COPS7B: variants seen among roughly 807,000 people sequenced by gnomAD.
COPS7B encodes COP9 signalosome subunit 7B, also known as COP9 signalosome complex subunit 7b.
Under a neutral mutation model 33.4 loss-of-function variants are expected in COPS7B, and 9 were observed. The ratio of observed to expected loss-of-function variants is 0.27; its 90% CI spans 0.16 to 0.47. COPS7B has a LOEUF of 0.47. COPS7B is among the 20% of genes least tolerant of loss of function. The pLI, the probability that COPS7B is intolerant of heterozygous loss-of-function variation, is 0.99. For synonymous variants in COPS7B, 119 were observed against 126.3 expected (o/e 0.94, Z 0.39); for missense variants, 242 against 318.2 (o/e 0.76, Z 1.82).
chr2:231,785,149 G>A (rs1052884117), upstream of COPS7B, among the ~76,000 whole-genome samples: 4 of 152,160 alleles, frequency 2.6e-5, no homozygotes, highest in East Asian at 5.8e-4. Flanking sequence ...TCACCTCACC[G>A]GAGGTTTTCC....
At chr2:231,804,588 A>G (rs2049840192) in intron 6 of COPS7B, among the ~76,000 whole-genome samples, 1 of 152,170 alleles carries the variant, frequency 6.6e-6, no homozygotes, top group Admixed American at 6.5e-5. Context: ...AAATAACTTG[A>G]GGAAATAAGG....
chr2:231,796,364 A>G (rs2049570473), intron 5 of COPS7B, 56 bp downstream of exon 5: 2 of 1,533,716 alleles, frequency 1.3e-6, no homozygotes, highest in Non-Finnish European at 1.8e-6. Context: ...CTCTCCTTGC[A>G]AAAATGTGAT....
At chr2:231,804,462 TG>T (rs984119695) in intron 6 of COPS7B, among the ~76,000 whole-genome samples, 2 of 152,108 alleles carry the variant, frequency 1.3e-5, no homozygotes, top group African/African-American at 4.8e-5. Context: ...TTAGCCAGGA[TG>T]GTCTCGATCT....
chr2:231,792,374 C>T, intron 3 of COPS7B: 1 of 243,270 alleles, frequency 4.1e-6, no homozygotes, highest in Non-Finnish European at 8.2e-6. Flanking sequence ...CGCCTGTAAT[C>T]CCAGCCACTC....
chr2:231,782,221 A>G (rs898144339), upstream of COPS7B, among the ~76,000 whole-genome samples: 36 of 152,192 alleles, frequency 2.4e-4, no homozygotes, highest in African/African-American at 8.7e-4. Flanking sequence ...GCACCACACT[A>G]AGGAGGTGAT....
intron 6 of COPS7B, among the ~76,000 whole-genome samples, chr2:231,799,928 A>G (rs2049694711): frequency 6.6e-6 from 1 of 152,178 alleles, no homozygotes; most frequent in South Asian, 2.1e-4. Flanking sequence ...TATTTGTAAG[A>G]CGAGCGTCTT....
chr2:231,787,405 T>G (rs970656769), intron 1 of COPS7B, among the ~76,000 whole-genome samples: 1 of 152,234 alleles, frequency 6.6e-6, no homozygotes, highest in Non-Finnish European at 1.5e-5. Flanking sequence ...TTTGTCACGC[T>G]GCTCTAATAT....
chr2:231,785,435 C>G (rs143144503), upstream of COPS7B, among the ~76,000 whole-genome samples: 1 of 152,284 alleles, frequency 6.6e-6, no homozygotes, highest in African/African-American at 2.4e-5. Context: ...CACTACCCCC[C>G]TTTTTTCCCC....
At chr2:231,797,449 G>A (rs185342864) in intron 5 of COPS7B, among the ~76,000 whole-genome samples, 131 of 152,310 alleles carry the variant, frequency 8.6e-4, no homozygotes, top group African/African-American at 3.0e-3. Flanking sequence ...CACAAAAATG[G>A]TCTGGCACAC....
chr2:231,803,387 T>C (rs1424233317), intron 6 of COPS7B, among the ~76,000 whole-genome samples: 1 of 152,008 alleles, frequency 6.6e-6, no homozygotes, highest in Non-Finnish European at 1.5e-5. Context: ...GTGCAGGGCA[T>C]GTGTTGAGGA....
intron 2 of COPS7B, 67 bp downstream of exon 2, chr2:231,788,799 A>G: frequency 7.4e-6 from 11 of 1,480,318 alleles, no homozygotes; most frequent in Non-Finnish European, 1.0e-5. Flanking sequence ...TTTCCAAAGA[A>G]TTTCAGTGCT....
At chr2:231,786,106 G>A (rs967855572), upstream of COPS7B, 1 of 152,214 alleles carries the variant, frequency 6.6e-6, no homozygotes, top group Non-Finnish European at 1.5e-5. Flanking sequence ...TAGGCTTAAT[G>A]TATCTCGGTG....
chr2:231,794,877 C>T (rs2049520849), intron 4 of COPS7B, among the ~76,000 whole-genome samples: 1 of 151,846 alleles, frequency 6.6e-6, no homozygotes, highest in Admixed American at 6.6e-5. Flanking sequence ...TACTCAGCCC[C>T]AAGTAGCTGG....
chr2:231,798,719 G>T, intron 5 of COPS7B, 140 bp from the exon 6 acceptor site: 1 of 642,676 alleles, frequency 1.6e-6, no homozygotes. Flanking sequence ...AGGAGTGAAC[G>T]GGCAAGAGAT....
At chr2:231,797,856 A>C (rs2049618519) in intron 5 of COPS7B, among the ~76,000 whole-genome samples, 1 of 152,174 alleles carries the variant, frequency 6.6e-6, no homozygotes, top group Admixed American at 6.5e-5. Flanking sequence ...AAAAGGCGGA[A>C]TCTTCAAAAC....
upstream of COPS7B, chr2:231,781,889 G>A: frequency 1.3e-6 from 2 of 1,550,278 alleles, no homozygotes; most frequent in Non-Finnish European, 1.7e-6. Context: ...TCATGGTAAG[G>A]CTGCAAACAA....
intron 4 of COPS7B, among the ~76,000 whole-genome samples, chr2:231,795,134 G>T (rs1368364721): frequency 6.6e-6 from 1 of 151,966 alleles, no homozygotes; most frequent in Non-Finnish European, 1.5e-5. Context: ...GGCCAGGCTG[G>T]TCTTGAACTC....
chr2:231,787,108 A>AC (rs1173066039), intron 1 of COPS7B, among the ~76,000 whole-genome samples: 2 of 150,370 alleles, frequency 1.3e-5, no homozygotes, highest in African/African-American at 4.9e-5. Flanking sequence ...ACCGTCACCG[A>AC]CCCTCCTTTC....
At chr2:231,806,162 A>T (rs2049888852) in intron 6 of COPS7B, among the ~76,000 whole-genome samples, 1 of 151,922 alleles carries the variant, frequency 6.6e-6, no homozygotes, top group African/African-American at 2.4e-5. Context: ...CCCTCATAGC[A>T]TTGTTTTGTC....
Sources: allele counts gnomAD v4.1 joint callset (sites outside exome capture counted in the v4.1 genomes callset), GRCh38; gene constraint gnomAD v4.1.1; transcripts MANE v1.5; gene names NCBI Gene and HGNC (gene_info 2026-07-23, HGNC 2026-07-21).